The following HTRA1 variants were observed in gnomAD, a reference collection of about 807,000 sequenced individuals.
HTRA1 encodes serine protease HTRA1.
In HTRA1, 26 loss-of-function variants were observed where a neutral mutation model predicts 49.7. The observed-to-expected ratio is 0.52, with a 90% CI of 0.38 to 0.73. The LOEUF (loss-of-function observed/expected upper bound fraction) is 0.73. Ranked by LOEUF, HTRA1 falls within the 30% of genes least tolerant of loss-of-function variation. The probability of loss-of-function intolerance (pLI) is 0.00; values close to 1 mark genes in which losing one functional copy is unlikely to be tolerated. For synonymous variants in HTRA1, 291 were observed against 286.9 expected (o/e 1.01, Z -0.14); for missense variants, 561 against 667.2 (o/e 0.84, Z 1.75).
At position 122,494,996 on chromosome 10, in the gene HTRA1, G is replaced by A. The variant is rs1292497323; in HGVS notation, c.777+5370G>A. ...CCCCCCGGGACATGGCAGTGGCGGG[G>A]AGTGGACTGGGGTGGTGCTTGCCAT... On this transcript the variant is annotated intron_variant, in intron 3 of 8. Coordinates refer to ENST00000368984, the MANE Select transcript of HTRA1 (RefSeq NM_002775.5). The surrounding 1 kb of genome is among the most constrained non-coding windows in gnomAD (Gnocchi z 4.0). 6.6e-6 allele frequency among the ~76,000 whole-genome samples: 1 copy of A among 152,074 alleles called. No individual in the cohort carries two copies. Among genetic ancestry groups the A allele is most frequent in the African/African-American group, 2.4e-5 (1 of 41,396 alleles).
At chr10:122,505,963 GGCTTTGCCTGGCCTTTGTGGGAC>G (rs2097502869) in intron 3 of HTRA1, among the ~76,000 whole-genome samples, 1 of 152,212 alleles carries the variant, frequency 6.6e-6, no homozygotes, top group Non-Finnish European at 1.5e-5. Context: ...TGAGACTCCT[GGCTTTGCCTGGCCTTTGTGGGAC>G]GCTGGAGATC....
At chr10:122,476,154 T>TA (rs1408049062) in intron 1 of HTRA1, among the ~76,000 whole-genome samples, 3 of 152,170 alleles carry the variant, frequency 2.0e-5, no homozygotes, top group Non-Finnish European at 4.4e-5. Flanking sequence ...AGAGAGAACA[T>TA]AGTCCAAGTT....
intron 7 of HTRA1, among the ~76,000 whole-genome samples, chr10:122,511,576 A>G (rs2097505593): frequency 6.6e-6 from 1 of 151,940 alleles, no homozygotes; most frequent in African/African-American, 2.4e-5. Context: ...TACTAAAAAT[A>G]TAAAAAATTA....
intron 1 of HTRA1, among the ~76,000 whole-genome samples, chr10:122,470,336 C>G (rs1461019248): frequency 6.6e-6 from 1 of 152,172 alleles, no homozygotes; most frequent in East Asian, 1.9e-4. Context: ...GCCTAGGAGA[C>G]ATCAGCAGGA....
chr10:122,482,752 T>G (rs1450600248), intron 1 of HTRA1, among the ~76,000 whole-genome samples: 1 of 100,968 alleles, frequency 9.9e-6, no homozygotes, highest in African/African-American at 3.1e-5. Context: ...ACCCCATCTC[T>G]ACTAAAAATA....
intron 1 of HTRA1, among the ~76,000 whole-genome samples, chr10:122,476,888 T>C (rs2097488733): frequency 6.6e-6 from 1 of 151,992 alleles, no homozygotes; most frequent in Non-Finnish European, 1.5e-5. Flanking sequence ...TTTCCCGGTG[T>C]GTCTTCTCCT....
intron 1 of HTRA1, among the ~76,000 whole-genome samples, chr10:122,483,179 T>C (rs1031235606): frequency 3.3e-5 from 5 of 152,194 alleles, no homozygotes; most frequent in Admixed American, 3.3e-4. Flanking sequence ...AAAGAAGTTG[T>C]TGAAAGTAAT....
chr10:122,484,585 T>C (rs182570667), intron 1 of HTRA1, among the ~76,000 whole-genome samples: 8 of 152,342 alleles, frequency 5.3e-5, no homozygotes, highest in Admixed American at 2.0e-4. Context: ...GCCAGTCCTT[T>C]GGATTTTCTT....
At chr10:122,467,479 C>G (rs934383134) in intron 1 of HTRA1, among the ~76,000 whole-genome samples, 1 of 152,130 alleles carries the variant, frequency 6.6e-6, no homozygotes, top group East Asian at 1.9e-4. Flanking sequence ...TAATTTAAAG[C>G]CTGGGGAGGC....
rs909896167 is a variant in HTRA1, at chr10:122,487,238, G to A, written c.473-1664G>A. 6.6e-6 allele frequency among the ~76,000 whole-genome samples: 1 copy of A among 152,166 alleles called. No individual in the cohort carries two copies. The highest frequency in any genetic ancestry group is 1.5e-5 in the Non-Finnish European group (1 of 68,036). On this transcript the variant is annotated intron_variant, in intron 1 of 8. Transcript: ENST00000368984. This position sits in a 1 kb window ranked among gnomAD's most constrained non-coding sequence, Gnocchi z 4.8. The stretch of plus-strand genomic sequence containing the variant: ...TGTGCAACGCTGAGCTAGTCCAAGG[G>A]GGAAGAATGGGGTGCATGGCTCTCA...
intron 1 of HTRA1, among the ~76,000 whole-genome samples, chr10:122,462,358 G>A (rs1484085772): frequency 6.6e-6 from 1 of 152,276 alleles, no homozygotes; most frequent in African/African-American, 2.4e-5. Context: ...AGTACGCCCG[G>A]CCTGCACTCT....
chr10:122,500,906 C>T (rs955572497), intron 3 of HTRA1, among the ~76,000 whole-genome samples: 1 of 152,196 alleles, frequency 6.6e-6, no homozygotes, highest in African/African-American at 2.4e-5. Context: ...CTAAACTTCC[C>T]CTTTGCCCTG....
At chr10:122,469,380 C>G (rs534805509) in intron 1 of HTRA1, among the ~76,000 whole-genome samples, 71 of 152,280 alleles carry the variant, frequency 4.7e-4, no homozygotes, top group African/African-American at 1.7e-3. Flanking sequence ...GCAGTCACCA[C>G]TTGATGGAGA....
intron 1 of HTRA1, among the ~76,000 whole-genome samples, chr10:122,468,959 T>A (rs149924569): frequency 5.2e-4 from 79 of 152,274 alleles, no homozygotes; most frequent in Non-Finnish European, 1.0e-3. Context: ...CAGGACAAAT[T>A]GTCGAATAAG....
At chr10:122,462,212 CAG>C (rs1434722122) in intron 1 of HTRA1, 88 bp downstream of exon 1, 6 of 1,176,788 alleles carry the variant, frequency 5.1e-6, no homozygotes, top group Non-Finnish European at 7.2e-6. Context: ...GGTTGAGGGG[CAG>C]CGAAGCGTTG....
At position 122,506,646 on chromosome 10, in the gene HTRA1, G is replaced by A. The variant is rs772916439; in HGVS notation, c.778-45G>A. On this transcript the variant is annotated intron_variant, in intron 3 of 8. Transcript: ENST00000368984. This position sits in a 1 kb window ranked among gnomAD's most constrained non-coding sequence, Gnocchi z 5.2. ...ATGATATCTGTGCCTTTACCTATTT[G>A]GTTAAATTAAACCAACTCAGCAACG... 5.2e-6 allele frequency: 8 copies of A among 1,546,302 alleles called. No individual in the cohort carries two copies. Among genetic ancestry groups the A allele is most frequent in the Non-Finnish European group, 6.2e-6 (7 of 1,126,632 alleles).
At position 122,494,376 on chromosome 10, in the gene HTRA1, C is replaced by G. The variant is rs144733294; in HGVS notation, c.777+4750C>G. Among the ~76,000 whole-genome samples the G allele has an allele frequency of 6.6e-6, 1 of 152,172 alleles. No homozygotes were observed. Among genetic ancestry groups the G allele is most frequent in the African/African-American group, 2.4e-5 (1 of 41,456 alleles). On this transcript the variant is annotated intron_variant, in intron 3 of 8. Coordinates refer to ENST00000368984, the MANE Select transcript of HTRA1 (RefSeq NM_002775.5). This position sits in a 1 kb window ranked among gnomAD's most constrained non-coding sequence, Gnocchi z 4.0. ...AGGCACCCGGGGCTCCTGCATCGAG[C>G]TTCCCTCCTATATTCAATGAGGAAA...
intron 5 of HTRA1, 34 bp from the exon 6 acceptor site, chr10:122,508,622 C>T (rs200109152): frequency 2.4e-5 from 33 of 1,352,082 alleles, no homozygotes; most frequent in African/African-American, 4.3e-5. Flanking sequence ...TAAAGCTTCA[C>T]GATTCAGTAA....
chr10:122,496,531 A>G (rs939064207), intron 3 of HTRA1, among the ~76,000 whole-genome samples: 3 of 152,046 alleles, frequency 2.0e-5, no homozygotes, highest in Non-Finnish European at 4.4e-5. Flanking sequence ...GGGCAAAGCC[A>G]TGGGGCTTAA....
Sources: allele counts gnomAD v4.1 joint callset (sites outside exome capture counted in the v4.1 genomes callset), GRCh38; gene constraint gnomAD v4.1.1; non-coding constraint Gnocchi (gnomAD v3.1); transcripts MANE v1.5; gene names NCBI Gene and HGNC (gene_info 2026-07-23, HGNC 2026-07-21).